ITGA2: variants seen among roughly 807,000 people sequenced by gnomAD.
ITGA2 encodes integrin alpha-2.
In ITGA2, 101 loss-of-function variants were observed where a neutral mutation model predicts 146.3. That is an observed-to-expected ratio of 0.69 (90% CI 0.59 to 0.81). The LOEUF (loss-of-function observed/expected upper bound fraction) is 0.81. Among genes scored for constraint, ITGA2 ranks in the 40% least tolerant of loss-of-function variants. ITGA2 has a pLI of 0.00. For missense variants in ITGA2, 1,281 were observed against 1,402.7 expected, an observed-to-expected ratio of 0.91 and a Z score of 1.39; for synonymous variants, 477 against 487.1, an observed-to-expected ratio of 0.98 and a Z score of 0.27.
chr5:53,002,720 G>A (rs1183968977), intron 1 of ITGA2, among the ~76,000 whole-genome samples: 6 of 152,130 alleles, frequency 3.9e-5, no homozygotes, highest in Admixed American at 6.5e-5. Flanking sequence ...TTTCCAAAAG[G>A]GGCATTACTA....
intron 1 of ITGA2, among the ~76,000 whole-genome samples, chr5:53,011,741 G>GT (rs1032435620): frequency 5.7e-4 from 87 of 152,002 alleles, no homozygotes; most frequent in African/African-American, 2.0e-3. Context: ...GTGAGTGGGG[G>GT]GGAGTGAGGG....
intron 2 of ITGA2, among the ~76,000 whole-genome samples, chr5:53,041,749 G>A (rs1227900807): frequency 6.6e-6 from 1 of 152,082 alleles, no homozygotes; most frequent in Non-Finnish European, 1.5e-5. Flanking sequence ...TGGATATATT[G>A]AGTTAAATAA....
At chr5:53,075,365 G>A (rs1429565972) in intron 23 of ITGA2, 61 bp downstream of exon 23, 3 of 1,341,478 alleles carry the variant, frequency 2.2e-6, no homozygotes, top group Non-Finnish European at 3.2e-6. Context: ...GAAGATTTTT[G>A]GCTCATGGCT....
chr5:53,038,612 T>C (rs1743616532), intron 2 of ITGA2, among the ~76,000 whole-genome samples: 1 of 152,150 alleles, frequency 6.6e-6, no homozygotes. Flanking sequence ...TCTGCTAAGA[T>C]CATTTTCCCA....
chr5:53,081,777 C>A, intron 26 of ITGA2, 81 bp downstream of exon 26: 2 of 930,556 alleles, frequency 2.1e-6, no homozygotes, highest in African/African-American at 1.6e-5. Context: ...CTCCTACCAG[C>A]TGATATCATA....
At chr5:53,067,487 A>G (rs1017644982) in intron 16 of ITGA2, among the ~76,000 whole-genome samples, 1 of 151,794 alleles carries the variant, frequency 6.6e-6, no homozygotes, top group Non-Finnish European at 1.5e-5. Flanking sequence ...TGTAATCTCT[A>G]TGACATAACC....
intron 1 of ITGA2, among the ~76,000 whole-genome samples, chr5:53,018,995 C>T (rs1171820332): frequency 2.0e-5 from 3 of 151,938 alleles, no homozygotes; most frequent in Non-Finnish European, 4.4e-5. Context: ...ACCCGGGAGG[C>T]GGAGGTTGCA....
chr5:53,050,519 T>C (rs368930606), intron 6 of ITGA2, among the ~76,000 whole-genome samples: 4 of 152,292 alleles, frequency 2.6e-5, no homozygotes, highest in African/African-American at 7.2e-5. Context: ...CACTGCTCCC[T>C]TGGCAAAACA....
At chr5:53,081,167 T>C (rs539459365) in intron 25 of ITGA2, among the ~76,000 whole-genome samples, 113 of 152,276 alleles carry the variant, frequency 7.4e-4, no homozygotes, top group African/African-American at 2.6e-3. Context: ...ACACGCAACC[T>C]GGGCTGAGAA....
At position 53,068,521 on chromosome 5, in the gene ITGA2, C is replaced by G. The variant is rs139610933; in HGVS notation, c.2083+1264C>G. The stretch of plus-strand genomic sequence containing the variant: ...TCTTCCCTTTTTGACTATACTTCAA[C>G]CCTTATGGTGATGCACACTCAAAAA... On this transcript the variant is annotated intron_variant, in intron 16 of 29. Transcript: ENST00000296585. Among the ~76,000 whole-genome samples, 24 of 151,982 alleles carry G rather than the reference C, an allele frequency of 1.6e-4. No homozygotes were observed. In the East Asian group the frequency reaches 3.7e-3, roughly 23 times the overall value.
intron 1 of ITGA2, 37 bp downstream of exon 1, chr5:52,989,569 G>A (rs1341356997): frequency 2.5e-6 from 4 of 1,611,144 alleles, no homozygotes; most frequent in Non-Finnish European, 3.4e-6. Flanking sequence ...GCTGCAGGAG[G>A]GACCCGCGCG....
chr5:52,993,682 T>C (rs1168420913), intron 1 of ITGA2, among the ~76,000 whole-genome samples: 2 of 152,218 alleles, frequency 1.3e-5, no homozygotes, highest in Non-Finnish European at 2.9e-5. Flanking sequence ...TCTCATGATG[T>C]AATTTTAGAC....
chr5:53,023,420 C>T (rs960861348), intron 1 of ITGA2, among the ~76,000 whole-genome samples: 2 of 152,224 alleles, frequency 1.3e-5, no homozygotes, highest in Non-Finnish European at 2.9e-5. Context: ...AACCTTTGAA[C>T]TTAGATTTAC....
intron 2 of ITGA2, among the ~76,000 whole-genome samples, chr5:53,032,118 T>C (rs934885498): frequency 6.6e-6 from 1 of 152,070 alleles, no homozygotes; most frequent in Admixed American, 6.6e-5. Flanking sequence ...GCATTCTTTT[T>C]CCTTAAAGAG....
At position 52,989,449 on chromosome 5, in the gene ITGA2, G is replaced by A. The variant is rs1579759619; in HGVS notation, c.-20G>A. ...CCTCTGCAAACCCAGCGCAACTACGGTCCCCCGGTCAGACCCAGGATGGGG... is the reference window on the plus strand; with the variant it reads ...CCTCTGCAAACCCAGCGCAACTACGATCCCCCGGTCAGACCCAGGATGGGG... On this transcript the variant is annotated 5_prime_UTR_variant, in exon 1 of 30. Coordinates refer to ENST00000296585, the MANE Select transcript of ITGA2 (RefSeq NM_002203.4). The A allele has an allele frequency of 1.2e-6, 2 of 1,613,710 alleles. No homozygotes were observed. The highest frequency in any genetic ancestry group is 1.1e-5 in the South Asian group (1 of 91,082).
intron 1 of ITGA2, among the ~76,000 whole-genome samples, chr5:52,997,004 A>G (rs143638568): frequency 6.6e-6 from 1 of 152,366 alleles, no homozygotes; most frequent in African/African-American, 2.4e-5. Flanking sequence ...ATCATAAATT[A>G]GAAAAGAAGT....
intron 4 of ITGA2, among the ~76,000 whole-genome samples, chr5:53,045,918 CG>C (rs2111901273): frequency 6.6e-6 from 1 of 151,760 alleles, no homozygotes; most frequent in East Asian, 1.9e-4. Context: ...AGGTTGGGCG[CG>C]GTGGCTCATG....
chr5:53,037,684 T>C (rs1561110646), intron 2 of ITGA2, among the ~76,000 whole-genome samples: 1 of 152,160 alleles, frequency 6.6e-6, no homozygotes, highest in Non-Finnish European at 1.5e-5. Flanking sequence ...GAAATGTTTC[T>C]AATAAAGAAG....
Position 53,092,606 on chromosome 5 carries a change from T to C in ITGA2, c.*2007T>C, listed in dbSNP as rs1442000858. On this transcript the variant is annotated 3_prime_UTR_variant, in exon 30 of 30. Coordinates refer to ENST00000296585, the MANE Select transcript of ITGA2 (RefSeq NM_002203.4). ...ACAGCTGTGAGAATTTGCTGCTTCA[T>C]TCCAACAAAATTTTATTTAAAAAAA... 1 of 147,588 alleles carries C rather than the reference T, an allele frequency of 6.8e-6. No homozygotes were observed. The highest frequency in any genetic ancestry group is 1.5e-5 in the Non-Finnish European group (1 of 67,188). 9.1% of individuals were successfully genotyped at this position (147,588 alleles called of 1,614,324 possible).
Sources: gnomAD v4.1 joint callset for allele counts (sites outside exome capture counted in the v4.1 genomes callset) on GRCh38, gnomAD v4.1.1 for gene constraint, MANE v1.5 for transcripts, NCBI Gene and HGNC (gene_info 2026-07-23, HGNC 2026-07-21) for gene names.